PALM3: variants seen among roughly 807,000 people sequenced by gnomAD.
PALM3 encodes paralemmin-3.
Under a neutral mutation model 27.9 loss-of-function variants are expected in PALM3, and 20 were observed. The observed-to-expected ratio is 0.72, with a 90% CI of 0.50 to 1.04. PALM3 has a LOEUF of 1.04. Ranked by LOEUF, PALM3 falls within the 50% of genes least tolerant of loss-of-function variation. The pLI is 0.00. For missense variants in PALM3, 814 were observed against 869.4 expected (o/e 0.94, Z 0.80); for synonymous variants, 328 against 352.7 (o/e 0.93, Z 0.79).
intron 2 of PALM3, 87 bp downstream of exon 2, chr19:14,059,028 C>A: frequency 1.6e-6 from 2 of 1,265,196 alleles, no homozygotes; most frequent in Non-Finnish European, 2.1e-6. Context: ...GAGCTGAGGG[C>A]GCTCTCCGCA....
intron 1 of PALM3, among the ~76,000 whole-genome samples, chr19:14,059,710 G>A (rs1238967868): frequency 6.6e-6 from 1 of 151,992 alleles, no homozygotes; most frequent in Non-Finnish European, 1.5e-5. Flanking sequence ...CTCCTACCCA[G>A]AATTTCTCAA....
In PALM3 at chr19:14,053,949, G is replaced by C; in HGVS notation, c.1723C>G (p.Pro575Ala). 1 of 1,551,592 alleles carries C rather than the reference G, an allele frequency of 6.4e-7. No individual in the cohort carries two copies. Among genetic ancestry groups the C allele is most frequent in the Non-Finnish European group, 8.7e-7 (1 of 1,146,932 alleles). The change falls in exon 7 of 7, where the codon CCT (proline) becomes GCT (alanine). Residue 575 changes from proline to alanine, a missense_variant. Transcript: ENST00000669674. ...GTCTCCGTGTTAGCCTCAAGGGGAG[G>C]CCCTGCCTCATTCATCTCCTCTGCC... ...SQAEEMNEAG[P>A]PLEANTETRP... is the part of the protein sequence containing the mutation.
At chr19:14,057,326 G>A in intron 3 of PALM3, 25 bp downstream of exon 3, 2 of 1,521,966 alleles carry the variant, frequency 1.3e-6, no homozygotes, top group Non-Finnish European at 1.8e-6. Flanking sequence ...CCCAGGCTAG[G>A]CAGGCGCCCC....
chr19:14,054,660 G>C lies in PALM3; in HGVS notation c.1012C>G (p.Gln338Glu). The change falls in exon 7 of 7, where the codon CAG becomes GAG. Residue 338 changes from glutamine (Q) to glutamate (E), a missense_variant. Coordinates refer to ENST00000669674, the MANE Select transcript of PALM3 (RefSeq NM_001145028.2). ...TGCCCATCACCCTCAGGGCTGCCCTGGGGCACATCTTCCCCTTCTATGGAA... is the reference window on the plus strand; with the variant it reads ...TGCCCATCACCCTCAGGGCTGCCCTCGGGCACATCTTCCCCTTCTATGGAA... ...AASIEGEDVPQGSPEGDGQGG... is the reference protein window; with the variant it reads ...AASIEGEDVPEGSPEGDGQGG... 8 of 1,551,230 alleles carry C rather than the reference G, an allele frequency of 5.2e-6. No homozygotes were observed. The highest frequency in any genetic ancestry group is 7.0e-6 in the Non-Finnish European group (8 of 1,146,732).
intron 2 of PALM3, 86 bp downstream of exon 2, chr19:14,059,029 G>T: frequency 7.9e-7 from 1 of 1,269,086 alleles, no homozygotes; most frequent in South Asian, 1.7e-5. Context: ...AGCTGAGGGC[G>T]CTCTCCGCAG....
Position 14,053,811 on chromosome 19 carries a change from T to C in PALM3, c.1861A>G (p.Thr621Ala), listed in dbSNP as rs1185800581. 1.3e-6 allele frequency: 2 copies of C among 1,547,836 alleles called. No homozygotes were observed. Among genetic ancestry groups the C allele is most frequent in the Non-Finnish European group, 1.7e-6 (2 of 1,145,218 alleles). ...GCTGGGGTCTCTGCCAGAAGAGGTG[T>C]GGCATCCCCCAAGGGGCCTTGGCCC... Reference protein sequence around the residue: ...AEGQGPLGDATPLLAETPAPE... With the variant: ...AEGQGPLGDAAPLLAETPAPE... The change falls in exon 7 of 7, where the codon ACA becomes GCA. Residue 621 changes from threonine to alanine, a missense_variant. By Grantham distance (58) the Thr-to-Ala change is moderately conservative. Transcript: ENST00000669674.
chr19:14,058,809 G>A (rs937713437), intron 2 of PALM3, among the ~76,000 whole-genome samples: 1 of 151,998 alleles, frequency 6.6e-6, no homozygotes, highest in Admixed American at 6.6e-5. Context: ...GGAGATTTGA[G>A]AGATAGCGGT....
chr19:14,059,678 C>G (rs1568509580), intron 1 of PALM3, among the ~76,000 whole-genome samples: 1 of 152,106 alleles, frequency 6.6e-6, no homozygotes, highest in Non-Finnish European at 1.5e-5. Context: ...CTTCCCAGTC[C>G]CACACCCTCT....
chr19:14,054,718 C>A lies in PALM3; in HGVS notation c.954G>T (p.Ser318=). The A allele has an allele frequency of 3.9e-6, 6 of 1,551,674 alleles. No individual in the cohort carries two copies. The highest frequency in any genetic ancestry group is 1.2e-5 in the South Asian group (1 of 84,056). The change falls in exon 7 of 7, where the codon TCG becomes TCT. Residue 318 remains serine, a synonymous_variant. Transcript: ENST00000669674. The part of the protein sequence containing the change: ...GRVPEVVQTS[S]PRLQERLEAA... The stretch of plus-strand genomic sequence containing the variant: ...CCTCTAATCTCTCCTGGAGCCTAGG[C>A]GAGCTAGTCTGCACGACCTCAGGGA...
intron 2 of PALM3, 83 bp downstream of exon 2, chr19:14,059,032 C>T (rs1238362789): frequency 3.0e-6 from 4 of 1,315,226 alleles, no homozygotes; most frequent in South Asian, 1.7e-5. Flanking sequence ...TGAGGGCGCT[C>T]TCCGCAGAGA....
Position 14,053,743 on chromosome 19 carries a change from C to A in PALM3, c.1929G>T (p.Glu643Asp), listed in dbSNP as rs910225240. The A allele has an allele frequency of 3.3e-5, 51 of 1,532,498 alleles. No individual in the cohort carries two copies. Among genetic ancestry groups the A allele is most frequent in the Non-Finnish European group, 4.3e-5 (49 of 1,138,424 alleles). 94.9% of individuals were successfully genotyped at this position (1,532,498 alleles called of 1,614,324 possible). A position where few individuals can be genotyped will look rare whatever the true frequency, so the allele number is the denominator to read the frequency against. The stretch of plus-strand genomic sequence containing the variant: ...GGGCACTGGGGTTGGCGCTGGGCCC[C>A]TCCCCCTGAAGCAGTGGCTGGCATT... ...PAECQPLLQG[E>D]GPSANPSAHP... Residue 643 changes from glutamate to aspartate, a missense_variant, in exon 7 of 7, where the codon GAG becomes GAT. By Grantham distance (45) the Glu-to-Asp change is conservative. Transcript: ENST00000669674.
At position 14,054,895 on chromosome 19, in the gene PALM3, C is replaced by T; in HGVS notation, c.777G>A (p.Val259=). The T allele has an allele frequency of 6.5e-7, 1 of 1,549,454 alleles. No homozygotes were observed. The highest frequency in any genetic ancestry group is 8.7e-7 in the Non-Finnish European group (1 of 1,146,940). Residue 259 remains valine (V), a synonymous_variant, in exon 7 of 7, where the codon GTG becomes GTA. Coordinates refer to ENST00000669674, the MANE Select transcript of PALM3 (RefSeq NM_001145028.2). ...GATGPELEAK[V]EEVVLEAIGD... is the part of the protein sequence containing the mutation. ...CGATGGCTTCCAGCACCACTTCCTC[C>T]ACCTTAGCCTCCAGCTCGGGGCCCG...
chr19:14,055,179 C>T lies in PALM3; in HGVS notation c.493G>A (p.Gly165Ser). 6.5e-7 allele frequency: 1 copy of T among 1,545,282 alleles called. No individual in the cohort carries two copies. The highest frequency in any genetic ancestry group is 8.7e-7 in the Non-Finnish European group (1 of 1,143,964). ...TCAGAGGGGGACTCTGGAGGCGTGC[C>T]CACTAGTCCAGCCGGCAGGGAGGCT... ...KRASLPAGLV[G>S]TPPESPSEPR... The change falls in exon 7 of 7, where the codon GGC becomes AGC. Residue 165 changes from glycine (G) to serine (S), a missense_variant. Transcript: ENST00000669674.
chr19:14,057,076 T>C (rs1477226572), intron 3 of PALM3, among the ~76,000 whole-genome samples: 1 of 152,056 alleles, frequency 6.6e-6, no homozygotes, highest in Non-Finnish European at 1.5e-5. Flanking sequence ...AAAGCTAGAC[T>C]TCGGCTCCTC....
intron 1 of PALM3, among the ~76,000 whole-genome samples, chr19:14,061,203 A>G (rs1599311342): frequency 6.6e-6 from 1 of 152,056 alleles, no homozygotes; most frequent in Non-Finnish European, 1.5e-5. Context: ...GCTGGGGGGG[A>G]TCGGGTTCCC....
intron 1 of PALM3, among the ~76,000 whole-genome samples, chr19:14,060,047 C>T (rs961801702): frequency 6.6e-6 from 1 of 152,132 alleles, no homozygotes; most frequent in Admixed American, 6.6e-5. Flanking sequence ...CTTATCAACA[C>T]AGACATGCAT....
At position 14,054,920 on chromosome 19, in the gene PALM3, G is replaced by A. The variant is rs577512513; in HGVS notation, c.752C>T (p.Thr251Met). The A allele has an allele frequency of 2.6e-5, 40 of 1,548,948 alleles. No individual in the cohort carries two copies. Among genetic ancestry groups the A allele is most frequent in the South Asian group, 2.0e-4 (17 of 84,020 alleles). The change falls in exon 7 of 7, where the codon ACG becomes ATG. Residue 251 changes from threonine (T) to methionine (M), a missense_variant. Coordinates refer to ENST00000669674, the MANE Select transcript of PALM3 (RefSeq NM_001145028.2). Reference sequence around the variant, plus strand: ...CACCTTAGCCTCCAGCTCGGGGCCCGTGGCCCCTGTGGCACAGTCCTCTGT... The same window carrying A: ...CACCTTAGCCTCCAGCTCGGGGCCCATGGCCCCTGTGGCACAGTCCTCTGT... Reference protein sequence around the residue: ...RATEDCATGATGPELEAKVEE... With the variant: ...RATEDCATGAMGPELEAKVEE...
Position 14,059,246 on chromosome 19 carries a change from T to G in PALM3, c.42-83A>C, listed in dbSNP as rs1019650716. On this transcript the variant is annotated intron_variant, in intron 1 of 6. Coordinates refer to ENST00000669674, the MANE Select transcript of PALM3 (RefSeq NM_001145028.2). ...CCAAGATCCCTGAGCAGTATGGAAA[T>G]TGCCCCGAGCCCAGCACTTTGCCTC... The G allele has an allele frequency of 5.4e-6, 7 of 1,296,280 alleles. No individual in the cohort carries two copies. The African/African-American group carries it at 1.1e-4, about 21-fold the overall frequency. The allele number at this position is 1,296,280 out of a possible 1,614,324, so 80.3% of individuals were successfully genotyped here.
chr19:14,055,088 G>T lies in PALM3; in HGVS notation c.584C>A (p.Ser195Tyr). The change falls in exon 7 of 7, where the codon TCC becomes TAC. Residue 195 changes from serine to tyrosine, a missense_variant. Physicochemically the swap from Ser to Tyr is moderately radical, Grantham distance 144. Transcript: ENST00000669674. ...PRQVPGAAGD[S>Y]SEANGPCPSP... The stretch of plus-strand genomic sequence containing the variant: ...GGGGCATGGGCCATTGGCTTCTGAG[G>T]AGTCTCCTGCTGCCCCGGGGACCTG... 3.2e-6 allele frequency: 5 copies of T among 1,551,608 alleles called. No homozygotes were observed. The highest frequency in any genetic ancestry group is 4.4e-6 in the Non-Finnish European group (5 of 1,146,992).
Sources: allele counts gnomAD v4.1 joint callset (sites outside exome capture counted in the v4.1 genomes callset), GRCh38; gene constraint gnomAD v4.1.1; transcripts MANE v1.5; gene names NCBI Gene and HGNC (gene_info 2026-07-23, HGNC 2026-07-21).